DDC: variants seen among roughly 807,000 people sequenced by gnomAD.
DDC encodes dopa decarboxylase, also known as aromatic-L-amino-acid decarboxylase.
A neutral mutation model predicts 60.0 loss-of-function variants in DDC; 43 were observed. The ratio of observed to expected loss-of-function variants is 0.72; its 90% CI spans 0.56 to 0.92. The LOEUF is 0.92. DDC is among the 40% of genes least tolerant of loss of function. The pLI is 0.00. For synonymous variants in DDC, 232 were observed against 234.6 expected (o/e 0.99, Z 0.10); for missense variants, 573 against 620.2 (o/e 0.92, Z 0.81).
At chr7:50,501,218 T>A (rs777152987) in intron 7 of DDC, among the ~76,000 whole-genome samples, 2 of 152,160 alleles carry the variant, frequency 1.3e-5, no homozygotes, top group Non-Finnish European at 2.9e-5. Context: ...TGGCTGCCCC[T>A]CCAGCTGCAC....
intron 6 of DDC, among the ~76,000 whole-genome samples, chr7:50,518,560 A>T (rs2043802407): frequency 1.3e-5 from 2 of 152,246 alleles, no homozygotes; most frequent in Non-Finnish European, 2.9e-5. Context: ...AATGGAACAG[A>T]ATAGAGAACC....
intron 14 of DDC, among the ~76,000 whole-genome samples, chr7:50,461,452 T>C (rs1369823898): frequency 6.6e-6 from 1 of 152,246 alleles, no homozygotes; most frequent in African/African-American, 2.4e-5. Flanking sequence ...TTTTTAAAAA[T>C]TGAATTTCAT....
At chr7:50,511,554 G>A (rs1322238002) in intron 6 of DDC, among the ~76,000 whole-genome samples, 2 of 151,846 alleles carry the variant, frequency 1.3e-5, no homozygotes, top group African/African-American at 2.4e-5. Context: ...CGGTGAAACC[G>A]TGTCTCTACT....
At chr7:50,521,400 A>G (rs1453386870) in intron 6 of DDC, among the ~76,000 whole-genome samples, 1 of 152,240 alleles carries the variant, frequency 6.6e-6, no homozygotes, top group African/African-American at 2.4e-5. Flanking sequence ...TACAGAAAAT[A>G]GAAGCAAAAG....
intron 4 of DDC, among the ~76,000 whole-genome samples, chr7:50,530,001 A>G (rs913538660): frequency 6.6e-6 from 1 of 152,110 alleles, no homozygotes; most frequent in African/African-American, 2.4e-5. Flanking sequence ...ATTTGCCTAT[A>G]ATCCCAGCAC....
At chr7:50,461,063 AAAT>A (rs2042263152) in intron 14 of DDC, among the ~76,000 whole-genome samples, 1 of 151,636 alleles carries the variant, frequency 6.6e-6, no homozygotes, top group South Asian at 2.1e-4. Context: ...AAAAATAAAT[AAAT>A]AAATAAAAAT....
Position 50,505,008 on chromosome 7 carries a change from G to A in DDC, c.715-949C>T, listed in dbSNP as rs577191357. On this transcript the variant is annotated intron_variant, in intron 6 of 14. Transcript: ENST00000444124. ...GCTGACATTGAAAATAATTTTAAAAGGGATGTTCTGAGAAAGCATTGAGTG... is the reference window on the plus strand; with the variant it reads ...GCTGACATTGAAAATAATTTTAAAAAGGATGTTCTGAGAAAGCATTGAGTG... 3.3e-5 allele frequency among the ~76,000 whole-genome samples: 5 copies of A among 152,330 alleles called. No individual in the cohort carries two copies. In the South Asian group the frequency reaches 1.0e-3, roughly 32 times the overall value.
intron 8 of DDC, among the ~76,000 whole-genome samples, chr7:50,498,808 G>A (rs1335576730): frequency 2.6e-5 from 4 of 152,216 alleles, no homozygotes; most frequent in African/African-American, 9.6e-5. Flanking sequence ...GTATGGAATT[G>A]CGGGTTGGTA....
At chr7:50,555,145 G>A (rs1225273202) in intron 1 of DDC, among the ~76,000 whole-genome samples, 1 of 152,170 alleles carries the variant, frequency 6.6e-6, no homozygotes, top group Admixed American at 6.5e-5. Flanking sequence ...AGCAGGCATG[G>A]AGGAGGAGGC....
chr7:50,535,630 G>A (rs1382138651), intron 4 of DDC, among the ~76,000 whole-genome samples: 2 of 152,178 alleles, frequency 1.3e-5, no homozygotes, highest in Non-Finnish European at 2.9e-5. Flanking sequence ...GGTGTCATCC[G>A]GATGAATTAG....
intron 6 of DDC, among the ~76,000 whole-genome samples, chr7:50,521,694 T>G (rs2043894700): frequency 6.6e-6 from 1 of 152,192 alleles, no homozygotes; most frequent in African/African-American, 2.4e-5. Context: ...GAAAAGTGTT[T>G]GACAAAATTC....
chr7:50,459,416 C>G (rs2042201310), intron 14 of DDC, among the ~76,000 whole-genome samples: 2 of 152,168 alleles, frequency 1.3e-5, no homozygotes, highest in South Asian at 2.1e-4. Context: ...GCCTGGCCGC[C>G]CATCGTCTGG....
intron 6 of DDC, among the ~76,000 whole-genome samples, chr7:50,523,803 C>G (rs1222432518): frequency 6.6e-6 from 1 of 152,212 alleles, no homozygotes; most frequent in African/African-American, 2.4e-5. Flanking sequence ...TACGATCCAG[C>G]AATTGTGATC....
At chr7:50,467,114 T>C (rs2042416132) in intron 13 of DDC, 100 bp downstream of exon 13, 7 of 1,091,224 alleles carry the variant, frequency 6.4e-6, no homozygotes, top group Non-Finnish European at 9.8e-6. Flanking sequence ...CTGCCATCTC[T>C]GGAGAGCCAG....
chr7:50,481,234 C>A (rs13222708), intron 9 of DDC, among the ~76,000 whole-genome samples: 3 of 152,128 alleles, frequency 2.0e-5, no homozygotes, highest in Non-Finnish European at 4.4e-5. Flanking sequence ...TAAAGACAGA[C>A]AAAGTCAGTA....
intron 1 of DDC, among the ~76,000 whole-genome samples, chr7:50,561,801 C>G (rs569832858): frequency 6.6e-6 from 1 of 152,130 alleles, no homozygotes; most frequent in East Asian, 1.9e-4. Flanking sequence ...GAGTGGAGAA[C>G]AGGGTCCACT....
chr7:50,528,511 GC>G (rs1048438127), intron 5 of DDC, among the ~76,000 whole-genome samples: 2 of 152,222 alleles, frequency 1.3e-5, no homozygotes, highest in African/African-American at 4.8e-5. Context: ...AAAGTATCAG[GC>G]ACTAACAAGG....
chr7:50,545,205 A>G (rs935680945), intron 1 of DDC, among the ~76,000 whole-genome samples: 52 of 152,230 alleles, frequency 3.4e-4, no homozygotes, highest in African/African-American at 1.2e-3. Context: ...GAACATACGC[A>G]TCGGACAAGC....
Position 50,489,914 on chromosome 7 carries a change from T to C in DDC, c.944+5436A>G, listed in dbSNP as rs1298210745. On this transcript the variant is annotated intron_variant, in intron 9 of 14. Coordinates refer to ENST00000444124, the MANE Select transcript of DDC (RefSeq NM_001082971.2). ...TATATTTTGGTCAAGATGATTAAAA[T>C]TTAATAGATTTGTTTATAAAATTTG... 4.6e-5 allele frequency among the ~76,000 whole-genome samples: 7 copies of C among 152,344 alleles called. No homozygotes were observed. In the East Asian group the frequency reaches 1.2e-3, roughly 25 times the overall value.
Sources: gnomAD v4.1 joint callset for allele counts (sites outside exome capture counted in the v4.1 genomes callset) on GRCh38, gnomAD v4.1.1 for gene constraint, MANE v1.5 for transcripts, NCBI Gene and HGNC (gene_info 2026-07-23, HGNC 2026-07-21) for gene names.